The following GPRIN3 variants were observed in gnomAD, a reference collection of about 807,000 sequenced individuals.
The protein encoded by GPRIN3 is G protein-regulated inducer of neurite outgrowth 3.
In GPRIN3, 12 loss-of-function variants were observed where a neutral mutation model predicts 13.7. The observed-to-expected ratio is 0.87, with a 90% confidence interval of 0.56 to 1.42. The LOEUF is 1.42. GPRIN3 is among the 40% of genes most tolerant of loss of function. The pLI is 0.00. For missense variants in GPRIN3, 1,009 were observed against 958.7 expected, an observed-to-expected ratio of 1.05 and a Z score of -0.69; for synonymous variants, 377 against 372.7, an observed-to-expected ratio of 1.01 and a Z score of -0.13.
chr4:89,274,907 T>G (rs1364145091), intron 1 of GPRIN3, among the ~76,000 whole-genome samples: 1 of 152,158 alleles, frequency 6.6e-6, no homozygotes, highest in Non-Finnish European at 1.5e-5. Context: ...CTAATCAGAT[T>G]GGCACTGAGG....
rs1294645104 is a variant in GPRIN3 at position 89,244,313 on chromosome 4, AC to A, written c.*3466del. 1 of 152,180 alleles carries A rather than the reference AC, an allele frequency of 6.6e-6. No individual in the cohort carries two copies. The highest frequency in any genetic ancestry group is 1.5e-5 in the Non-Finnish European group (1 of 68,026). 9.4% of individuals were successfully genotyped at this position (152,180 alleles called of 1,614,324 possible). ...CAATTTATTTCAATTTTTATGTTTA[AC>A]TTTATAACATGGTGAACACTGGTAT... On this transcript the variant is annotated 3_prime_UTR_variant, in exon 2 of 2. Coordinates refer to ENST00000609438, the MANE Select transcript of GPRIN3 (RefSeq NM_198281.3).
Position 89,238,713 on chromosome 4 carries a change from T to G in GPRIN3, c.*9067A>C, listed in dbSNP as rs1220647563. On this transcript the variant is annotated 3_prime_UTR_variant, in exon 2 of 2. Transcript: ENST00000609438. ...ATTTTAATTAAAGAAAAAAGTTCTT[T>G]CATTGCAAATACTTCCAGTTCCACT... 6.6e-6 allele frequency: 1 copy of G among 152,190 alleles called. No individual in the cohort carries two copies. The highest frequency in any genetic ancestry group is 1.5e-5 in the Non-Finnish European group (1 of 68,036). 9.4% of individuals were successfully genotyped at this position (152,190 alleles called of 1,614,324 possible).
At chr4:89,261,206 G>T (rs1418773264) in intron 1 of GPRIN3, among the ~76,000 whole-genome samples, 1 of 152,144 alleles carries the variant, frequency 6.6e-6, no homozygotes, top group African/African-American at 2.4e-5. Flanking sequence ...GCTTGTAGTG[G>T]GGAAGGGAAG....
At chr4:89,307,103 A>T (rs1441978827) in intron 1 of GPRIN3, among the ~76,000 whole-genome samples, 2 of 151,698 alleles carry the variant, frequency 1.3e-5, no homozygotes, top group Non-Finnish European at 2.9e-5. Flanking sequence ...CCCTTTATCA[A>T]CCCCTGCCCG....
At chr4:89,285,321 C>T (rs1724372307) in intron 1 of GPRIN3, among the ~76,000 whole-genome samples, 1 of 151,378 alleles carries the variant, frequency 6.6e-6, no homozygotes, top group Non-Finnish European at 1.5e-5. Flanking sequence ...ATGTTGTGCA[C>T]ATGTACCCTA....
intron 1 of GPRIN3, among the ~76,000 whole-genome samples, chr4:89,301,088 A>G (rs1724883664): frequency 6.6e-6 from 1 of 152,194 alleles, no homozygotes; most frequent in South Asian, 2.1e-4. Flanking sequence ...AAGAATTACA[A>G]AAGTTTTGCT....
intron 1 of GPRIN3, among the ~76,000 whole-genome samples, chr4:89,302,024 T>C (rs959323535): frequency 1.3e-5 from 2 of 152,164 alleles, no homozygotes; most frequent in African/African-American, 2.4e-5. Context: ...AATTAAAAAT[T>C]TTAAATGGAA....
At chr4:89,277,357 A>G (rs1392203166) in intron 1 of GPRIN3, among the ~76,000 whole-genome samples, 1 of 152,212 alleles carries the variant, frequency 6.6e-6, no homozygotes, top group Admixed American at 6.5e-5. Context: ...TCTGCAGTCC[A>G]CAGACTGGGC....
intron 1 of GPRIN3, among the ~76,000 whole-genome samples, chr4:89,260,869 A>G (rs1723603194): frequency 6.6e-6 from 1 of 152,228 alleles, no homozygotes; most frequent in Non-Finnish European, 1.5e-5. Context: ...TACTGCTGAC[A>G]TCCATTCATT....
intron 1 of GPRIN3, among the ~76,000 whole-genome samples, chr4:89,257,522 A>C (rs1723500121): frequency 6.6e-6 from 1 of 151,994 alleles, no homozygotes; most frequent in African/African-American, 2.4e-5. Flanking sequence ...GAACTCATCT[A>C]CTCCTTAGAA....
Position 89,236,954 on chromosome 4 carries a change from G to C in GPRIN3, c.*10826C>G, listed in dbSNP as rs1260324525. 1 of 152,142 alleles carries C rather than the reference G, an allele frequency of 6.6e-6. No individual in the cohort carries two copies. Among genetic ancestry groups the C allele is most frequent in the Non-Finnish European group, 1.5e-5 (1 of 68,028 alleles). The allele number at this position is 152,142 out of a possible 1,614,324, so 9.4% of individuals were successfully genotyped here. ...ACATAGATAACAAGCAAATGCTTTGGAGCCCTTTAAGAAGTCTTATCTTGC... is the reference window on the plus strand; with the variant it reads ...ACATAGATAACAAGCAAATGCTTTGCAGCCCTTTAAGAAGTCTTATCTTGC... On this transcript the variant is annotated 3_prime_UTR_variant, in exon 2 of 2. Coordinates refer to ENST00000609438, the MANE Select transcript of GPRIN3 (RefSeq NM_198281.3).
intron 1 of GPRIN3, among the ~76,000 whole-genome samples, chr4:89,251,660 C>T (rs1473391996): frequency 6.6e-6 from 1 of 152,132 alleles, no homozygotes; most frequent in Non-Finnish European, 1.5e-5. Context: ...GAGATTTCCT[C>T]AAGGTATGAT....
rs1221071381 is a variant in GPRIN3, at chr4:89,252,280, A to AT, written c.-123-2048dup. Among the ~76,000 whole-genome samples, 9 of 152,230 alleles carry AT rather than the reference A, an allele frequency of 5.9e-5. No individual in the cohort carries two copies. In the South Asian group the frequency reaches 6.2e-4, roughly 11 times the overall value. ...AAGCCCATGAACCTGGCCTATAAGC[A>AT]TTTTTTTAGAAAGAATAACTAGACA... On this transcript the variant is annotated intron_variant, in intron 1 of 1. Transcript: ENST00000609438.
intron 1 of GPRIN3, among the ~76,000 whole-genome samples, chr4:89,268,044 T>C (rs942247251): frequency 2.6e-4 from 39 of 152,170 alleles, no homozygotes; most frequent in African/African-American, 8.9e-4. Flanking sequence ...AACAAACAGA[T>C]TGAGTAAAAC....
At chr4:89,288,478 A>T (rs1724484264) in intron 1 of GPRIN3, among the ~76,000 whole-genome samples, 2 of 152,166 alleles carry the variant, frequency 1.3e-5, no homozygotes, top group East Asian at 3.9e-4. Context: ...CTGGAGTGAA[A>T]TTCAGGTTTA....
At chr4:89,281,821 A>G (rs1397140171) in intron 1 of GPRIN3, among the ~76,000 whole-genome samples, 1 of 152,152 alleles carries the variant, frequency 6.6e-6, no homozygotes, top group African/African-American at 2.4e-5. Context: ...AATAATCTCA[A>G]CACAACTCAG....
In GPRIN3 at chr4:89,239,317, A is replaced by T. The variant is rs1722862955; in HGVS notation, c.*8463T>A. On this transcript the variant is annotated 3_prime_UTR_variant, in exon 2 of 2. Transcript: ENST00000609438. ...TGAAAACTGCAATTTTTAAGTTATA[A>T]TTTTTCTGGGTATTATTCAAATTAA... The T allele has an allele frequency of 6.6e-6, 1 of 152,104 alleles. No individual in the cohort carries two copies. Among genetic ancestry groups the T allele is most frequent in the Non-Finnish European group, 1.5e-5 (1 of 68,006 alleles). 9.4% of individuals were successfully genotyped at this position (152,104 alleles called of 1,614,324 possible). A position where few individuals can be genotyped will look rare whatever the true frequency, so the allele number is the denominator to read the frequency against.
rs1723165116 is a variant in GPRIN3 at position 89,248,129 on chromosome 4, C to A, written c.1982G>T (p.Gly661Val). The change falls in exon 2 of 2, where the codon GGA (glycine) becomes GTA (valine). Residue 661 changes from glycine to valine, a missense_variant. By Grantham distance (109) the Gly-to-Val change is moderately radical. Transcript: ENST00000609438. ...AAAAQVGLTP[G>V]DKKKQLGADS... is the part of the protein sequence containing the mutation. ...TGCGCCAAGCTGCTTTTTCTTATCTCCTGGAGTGAGTCCTACCTGAGCAGC... is the reference window on the plus strand; with the variant it reads ...TGCGCCAAGCTGCTTTTTCTTATCTACTGGAGTGAGTCCTACCTGAGCAGC... 2 of 1,614,128 alleles carry A rather than the reference C, an allele frequency of 1.2e-6. No individual in the cohort carries two copies. Among genetic ancestry groups the A allele is most frequent in the East Asian group, 4.5e-5 (2 of 44,856 alleles).
intron 1 of GPRIN3, among the ~76,000 whole-genome samples, chr4:89,286,081 A>ATG (rs148319671): frequency 0.3 from 40,905 of 136,050 alleles, 6,656 homozygotes; most frequent in East Asian, 0.43. Flanking sequence ...GTGTACGTGT[A>ATG]TGTGTGTGTG....
Sources: gnomAD v4.1 joint callset for allele counts (sites outside exome capture counted in the v4.1 genomes callset) on GRCh38, gnomAD v4.1.1 for gene constraint, MANE v1.5 for transcripts, NCBI Gene and HGNC (gene_info 2026-07-23, HGNC 2026-07-21) for gene names.